Variants in COL4A5 observed in about 807,000 individuals in gnomAD.
The protein encoded by COL4A5 is collagen type IV alpha 5 chain.
Under a neutral mutation model 130.2 loss-of-function variants are expected in COL4A5, and 26 were observed. That is an observed-to-expected ratio of 0.20 (90% CI 0.15 to 0.28). The LOEUF (loss-of-function observed/expected upper bound fraction) is 0.28, where lower values mean the gene tolerates loss of function less well. Ranked by LOEUF, COL4A5 falls within the 10% of genes least tolerant of loss-of-function variation. COL4A5 has a pLI of 1.00. For synonymous variants in COL4A5, 496 were observed against 439.6 expected (o/e 1.13, Z -1.60); for missense variants, 1,131 against 1,344.3 (o/e 0.84, Z 2.48).
At chrX:108,641,337 G>T (rs931214643) in intron 36 of COL4A5, among the ~76,000 whole-genome samples, 2 of 111,840 alleles carry the variant, frequency 1.8e-5, no homozygotes, top group Admixed American at 9.5e-5. Flanking sequence ...AACAAAATGT[G>T]CTATCCCAGA....
intron 48 of COL4A5, among the ~76,000 whole-genome samples, chrX:108,686,422 T>C (rs1262217521): frequency 8.9e-6 from 1 of 112,481 alleles, no homozygotes; most frequent in East Asian, 2.8e-4. Context: ...TTGATTTAAA[T>C]CCCTTGACCA....
chrX:108,597,519 C>T lies in COL4A5; in HGVS notation c.1730C>T (p.Thr577Ile). The change falls in exon 24 of 53, where the codon ACT becomes ATT. Residue 577 changes from threonine to isoleucine, a missense_variant. Thr to Ile is a moderately conservative substitution (Grantham distance 89, BLOSUM62 -1). Coordinates refer to ENST00000328300, the MANE Select transcript of COL4A5 (RefSeq NM_033380.3). The stretch of plus-strand genomic sequence containing the variant: ...CCAGGGCTTCCTGGTTTACCTGGCA[C>T]TCCTGGACAGGATGGATTGCCAGGG... ...GAPGLPGLPG[T>I]PGQDGLPGLP... 1 of 1,210,610 alleles carries T rather than the reference C, an allele frequency of 8.3e-7. No individual in the cohort carries two copies. Among genetic ancestry groups the T allele is most frequent in the Non-Finnish European group, 1.1e-6 (1 of 895,163 alleles).
chrX:108,658,705 A>C (rs1212424215), intron 37 of COL4A5, among the ~76,000 whole-genome samples: 1 of 111,506 alleles, frequency 9.0e-6, no homozygotes, highest in Non-Finnish European at 1.9e-5. Flanking sequence ...GTTGTTGATA[A>C]TATCCTTGTT....
In COL4A5 at chrX:108,584,499, A is replaced by T. The variant is rs776847936; in HGVS notation, c.1006A>T (p.Thr336Ser). 3 of 1,206,992 alleles carry T rather than the reference A, an allele frequency of 2.5e-6. No homozygotes were observed. The Admixed American group carries it at 6.6e-5, about 26-fold the overall frequency. ...CATTGAACAGGGCCAAAAAGGTGACACTGGCCCACCTGGACCTCCTGGACT... is the reference window on the plus strand; with the variant it reads ...CATTGAACAGGGCCAAAAAGGTGACTCTGGCCCACCTGGACCTCCTGGACT... Reference protein sequence around the residue: ...RDGEKGQKGDTGPPGPPGLVI... With the variant: ...RDGEKGQKGDSGPPGPPGLVI... The change falls in exon 18 of 53, where the codon ACT becomes TCT. Residue 336 changes from threonine (T) to serine (S), a missense_variant. Transcript: ENST00000328300.
In COL4A5 at chrX:108,483,868, A is replaced by G. The variant is rs781480067; in HGVS notation, c.81+43662A>G. Among the ~76,000 whole-genome samples the G allele has an allele frequency of 4.4e-5, 5 of 112,542 alleles. No individual in the cohort carries two copies. The East Asian group carries it at 8.4e-4, about 19-fold the overall frequency. ...TTCATTTGCATTTCTCTGATGAACA[A>G]TGTTTAGCACTTTTTCATATATCTG... On this transcript the variant is annotated intron_variant, in intron 1 of 52. Coordinates refer to ENST00000328300, the MANE Select transcript of COL4A5 (RefSeq NM_033380.3).
intron 49 of COL4A5, among the ~76,000 whole-genome samples, chrX:108,688,753 C>T (rs933550377): frequency 1.3e-4 from 15 of 111,742 alleles, no homozygotes; most frequent in African/African-American, 4.9e-4. Context: ...TATTTTAAGA[C>T]TGACTATCCC....
chrX:108,569,868 G>T (rs2066033492), intron 6 of COL4A5, among the ~76,000 whole-genome samples: 1 of 110,375 alleles, frequency 9.1e-6, no homozygotes, highest in Non-Finnish European at 1.9e-5. Flanking sequence ...TTTTAGTAGA[G>T]ATGGGGTTTC....
chrX:108,535,856 T>C (rs1006102317), intron 1 of COL4A5, among the ~76,000 whole-genome samples: 1 of 111,303 alleles, frequency 9.0e-6, no homozygotes, highest in Non-Finnish European at 1.9e-5. Context: ...CCAAGCATTT[T>C]TTTTTTAAGT....
chrX:108,585,009 A>G (rs1367440522), intron 18 of COL4A5, among the ~76,000 whole-genome samples: 1 of 111,779 alleles, frequency 8.9e-6, no homozygotes, highest in African/African-American at 3.2e-5. Context: ...TGTGCTTTCT[A>G]GGGACTTTTA....
chrX:108,651,008 A>G (rs1172324367), intron 36 of COL4A5, among the ~76,000 whole-genome samples: 3 of 112,141 alleles, frequency 2.7e-5, no homozygotes, highest in Non-Finnish European at 3.8e-5. Flanking sequence ...TTAAAAAATG[A>G]TGTACTGATA....
intron 1 of COL4A5, among the ~76,000 whole-genome samples, chrX:108,535,320 CAT>C (rs752703032): frequency 2.0e-4 from 22 of 110,597 alleles, no homozygotes; most frequent in African/African-American, 6.2e-4. Context: ...TTTCTGTTGT[CAT>C]ATGTTTCTTT....
At chrX:108,455,671 G>T (rs1470100881) in intron 1 of COL4A5, among the ~76,000 whole-genome samples, 8 of 112,036 alleles carry the variant, frequency 7.1e-5, no homozygotes, top group African/African-American at 2.6e-4. Flanking sequence ...TTCAGATTTT[G>T]TATTTATGTC....
At chrX:108,618,416 A>T (rs1243159793) in intron 30 of COL4A5, among the ~76,000 whole-genome samples, 1 of 111,943 alleles carries the variant, frequency 8.9e-6, no homozygotes, top group Non-Finnish European at 1.9e-5. Context: ...AATTAAATTA[A>T]TTTTTAAATT....
chrX:108,496,753 C>T (rs767306130), intron 1 of COL4A5, among the ~76,000 whole-genome samples: 7 of 111,262 alleles, frequency 6.3e-5, no homozygotes, highest in Admixed American at 2.9e-4. Context: ...CTTGGATAAT[C>T]GATCCCTTTA....
chrX:108,539,637 TG>T, intron 1 of COL4A5, 108 bp from the exon 2 acceptor site: 1 of 636,598 alleles, frequency 1.6e-6, no homozygotes, highest in South Asian at 2.3e-5. Flanking sequence ...GATATTTTTC[TG>T]GTATCTATCT....
chrX:108,458,840 C>T (rs2064611319), intron 1 of COL4A5, among the ~76,000 whole-genome samples: 1 of 110,940 alleles, frequency 9.0e-6, no homozygotes, highest in African/African-American at 3.3e-5. Context: ...ATTAGTTGGG[C>T]GTGGTGGCGG....
At chrX:108,681,950 A>G in intron 47 of COL4A5, 62 bp downstream of exon 47, 1 of 1,063,417 alleles carries the variant, frequency 9.4e-7, no homozygotes, top group South Asian at 1.9e-5. Context: ...ATACATGTGC[A>G]GAATGTACAG....
At chrX:108,645,129 C>G (rs2067554130) in intron 36 of COL4A5, among the ~76,000 whole-genome samples, 1 of 109,836 alleles carries the variant, frequency 9.1e-6, no homozygotes, top group Non-Finnish European at 1.9e-5. Flanking sequence ...ACGAAAAGAG[C>G]ACAAACTGAC....
chrX:108,693,265 T>G (rs1276064848), intron 50 of COL4A5, among the ~76,000 whole-genome samples: 1 of 111,171 alleles, frequency 9.0e-6, no homozygotes, highest in African/African-American at 3.3e-5. Flanking sequence ...TAGTTTCAAC[T>G]GGAGAAATGT....
Sources: gnomAD v4.1 joint callset for allele counts (sites outside exome capture counted in the v4.1 genomes callset) on GRCh38, gnomAD v4.1.1 for gene constraint, MANE v1.5 for transcripts, NCBI Gene and HGNC (gene_info 2026-07-23, HGNC 2026-07-21) for gene names.